Variants in EBF2 observed in about 807,000 individuals in gnomAD.
The protein encoded by EBF2 is transcription factor COE2.
In EBF2, 21 loss-of-function variants were observed where a neutral mutation model predicts 72.8. The ratio of observed to expected loss-of-function variants is 0.29; its 90% CI spans 0.20 to 0.42. The LOEUF (loss-of-function observed/expected upper bound fraction) is 0.42. Ranked by LOEUF, EBF2 falls within the 10% of genes least tolerant of loss-of-function variation. EBF2 has a pLI of 1.00. For synonymous variants in EBF2, 299 were observed against 274.2 expected (o/e 1.09, Z -0.89); for missense variants, 637 against 731.2 (o/e 0.87, Z 1.49).
intron 3 of EBF2, 47 bp from the exon 4 acceptor site, chr8:26,040,718 C>G (rs569140774): frequency 8.6e-5 from 133 of 1,547,190 alleles, no homozygotes; most frequent in Admixed American, 3.6e-4. Flanking sequence ...GAGCCCCTTC[C>G]GGGCACCCCA....
intron 7 of EBF2, among the ~76,000 whole-genome samples, chr8:25,895,068 A>C (rs1398152752): frequency 6.6e-6 from 1 of 152,114 alleles, no homozygotes; most frequent in Non-Finnish European, 1.5e-5. Context: ...AGATGTCCAT[A>C]ATTTGTGTGG....
intron 15 of EBF2, among the ~76,000 whole-genome samples, chr8:25,845,179 C>T (rs1801807263): frequency 6.6e-6 from 1 of 151,946 alleles, no homozygotes; most frequent in Non-Finnish European, 1.5e-5. Context: ...ATGTCTGATG[C>T]TCATTGCAAA....
chr8:25,845,939 C>T (rs1171897225), intron 15 of EBF2, among the ~76,000 whole-genome samples: 2 of 152,180 alleles, frequency 1.3e-5, no homozygotes, highest in Non-Finnish European at 2.9e-5. Context: ...TTTCTCAACC[C>T]TTCCATCTCT....
chr8:26,036,957 G>T (rs1289666532), intron 5 of EBF2, among the ~76,000 whole-genome samples: 1 of 152,012 alleles, frequency 6.6e-6, no homozygotes, highest in East Asian at 1.9e-4. Flanking sequence ...CTTGGCAATA[G>T]GTTAAGACTG....
chr8:25,907,166 C>T (rs187118394), intron 7 of EBF2, among the ~76,000 whole-genome samples: 27 of 151,968 alleles, frequency 1.8e-4, no homozygotes, highest in Non-Finnish European at 3.5e-4. Context: ...CACCTGTAAC[C>T]CCAGCACTTT....
intron 6 of EBF2, among the ~76,000 whole-genome samples, chr8:25,944,883 T>C (rs1028342951): frequency 7.2e-5 from 11 of 151,968 alleles, no homozygotes; most frequent in South Asian, 4.1e-4. Flanking sequence ...TACACAGTTA[T>C]GGAGTCAGTG....
intron 10 of EBF2, among the ~76,000 whole-genome samples, chr8:25,886,003 C>G (rs1056669333): frequency 2.0e-5 from 3 of 152,134 alleles, no homozygotes; most frequent in African/African-American, 7.2e-5. Flanking sequence ...ATGGGATTCC[C>G]ATAGTGAGAA....
At chr8:25,966,554 G>T (rs1030272050) in intron 6 of EBF2, among the ~76,000 whole-genome samples, 1 of 152,200 alleles carries the variant, frequency 6.6e-6, no homozygotes, top group Non-Finnish European at 1.5e-5. Context: ...CTCCAAAGGG[G>T]CTTTATTCTA....
At chr8:25,857,934 A>G in intron 14 of EBF2, 2 of 360,234 alleles carry the variant, frequency 5.6e-6, no homozygotes, top group South Asian at 4.5e-5. Flanking sequence ...CTTGTCTATA[A>G]CATGAAGAAA....
chr8:25,871,984 G>A (rs1053631806), intron 10 of EBF2, among the ~76,000 whole-genome samples: 15 of 151,126 alleles, frequency 9.9e-5, no homozygotes, highest in African/African-American at 1.9e-4. Flanking sequence ...GCTGGCTGGT[G>A]CTCAATATTA....
intron 8 of EBF2, 151 bp from the exon 9 acceptor site, chr8:25,888,123 AC>A (rs1802722605): frequency 1.2e-6 from 1 of 854,498 alleles, no homozygotes; most frequent in African/African-American, 1.7e-5. Flanking sequence ...CAAACAACAA[AC>A]AAAAAAGGTC....
At chr8:26,040,541 G>T in intron 4 of EBF2, 75 bp downstream of exon 4, 1 of 1,430,196 alleles carries the variant, frequency 7.0e-7, no homozygotes, top group Non-Finnish European at 9.5e-7. Context: ...GGAGGGGCAG[G>T]TCAGAAACAA....
chr8:25,957,732 G>A (rs1803972842), intron 6 of EBF2, among the ~76,000 whole-genome samples: 1 of 152,188 alleles, frequency 6.6e-6, no homozygotes, highest in Non-Finnish European at 1.5e-5. Context: ...CGGGTGTGGT[G>A]GCACGCACCT....
At chr8:26,024,338 A>G (rs1805263267) in intron 6 of EBF2, among the ~76,000 whole-genome samples, 1 of 151,356 alleles carries the variant, frequency 6.6e-6, no homozygotes, top group Admixed American at 6.6e-5. Context: ...ATCCTAGTCT[A>G]TGCAAAGGAT....
At chr8:25,911,489 G>T (rs1379869064) in intron 6 of EBF2, among the ~76,000 whole-genome samples, 4 of 152,130 alleles carry the variant, frequency 2.6e-5, no homozygotes, top group Non-Finnish European at 5.9e-5. Flanking sequence ...GGTCAGTGGG[G>T]CAGGAGAATG....
chr8:26,026,834 T>G (rs1315423760), intron 6 of EBF2, among the ~76,000 whole-genome samples: 1 of 152,220 alleles, frequency 6.6e-6, no homozygotes, highest in African/African-American at 2.4e-5. Context: ...AATTCCAGTT[T>G]CACAAGCAAA....
At chr8:26,035,721 C>A (rs1253026026) in intron 5 of EBF2, among the ~76,000 whole-genome samples, 1 of 152,054 alleles carries the variant, frequency 6.6e-6, no homozygotes, top group Non-Finnish European at 1.5e-5. Flanking sequence ...TTCTTAAATA[C>A]CAGAGTTTGC....
chr8:25,897,904 T>C (rs1802885070), intron 7 of EBF2, among the ~76,000 whole-genome samples: 1 of 152,194 alleles, frequency 6.6e-6, no homozygotes, highest in African/African-American at 2.4e-5. Flanking sequence ...GGTCAAATGA[T>C]AGTTTGATTT....
chr8:25,941,644 T>A (rs1376094876), intron 6 of EBF2, among the ~76,000 whole-genome samples: 1 of 152,100 alleles, frequency 6.6e-6, no homozygotes, highest in African/African-American at 2.4e-5. Context: ...GAGCCCCTAG[T>A]CTGTGCCCTA....
Sources: gnomAD v4.1 joint callset for allele counts (sites outside exome capture counted in the v4.1 genomes callset) on GRCh38, gnomAD v4.1.1 for gene constraint, MANE v1.5 for transcripts, NCBI Gene and HGNC (gene_info 2026-07-23, HGNC 2026-07-21) for gene names.